Variants in KIAA1614 observed in about 807,000 individuals in gnomAD.
KIAA1614 encodes the protein KIAA1614, also known as uncharacterized protein KIAA1614.
In KIAA1614, 76 loss-of-function variants were observed where a neutral mutation model predicts 88.7. The observed-to-expected ratio is 0.86, with a 90% CI of 0.71 to 1.04. KIAA1614 has a LOEUF of 1.04. Among genes scored for constraint, KIAA1614 ranks in the 50% least tolerant of loss-of-function variants. The pLI is 0.00. For missense variants in KIAA1614, 1,553 were observed against 1,582.5 expected (o/e 0.98, Z 0.32); for synonymous variants, 714 against 675.5 (o/e 1.06, Z -0.88).
At position 180,945,393 on chromosome 1, in the gene KIAA1614, G is replaced by A; in HGVS notation, c.3378G>A (p.Val1126=). The change falls in exon 9 of 9, where the codon GTG becomes GTA. Residue 1126 remains valine, a synonymous_variant. Transcript: ENST00000367588. ...GCACCGTGGGCCGCCTGGTGGAGGT[G>A]TTCCCAGACGGCACCAGCCAGCTGC... ...LARTVGRLVE[V]FPDGTSQLQL... is the part of the protein sequence containing the mutation. The A allele has an allele frequency of 6.2e-7, 1 of 1,602,338 alleles. No homozygotes were observed. The highest frequency in any genetic ancestry group is 8.5e-7 in the Non-Finnish European group (1 of 1,176,230).
At position 180,935,438 on chromosome 1, in the gene KIAA1614, G is replaced by C; in HGVS notation, c.1529G>C (p.Gly510Ala). Residue 510 changes from glycine (G) to alanine (A), a missense_variant, in exon 5 of 9, where the codon GGG becomes GCG. Physicochemically the swap from Gly to Ala is moderately conservative, Grantham distance 60. Coordinates refer to ENST00000367588, the MANE Select transcript of KIAA1614 (RefSeq NM_020950.2). The surrounding 1 kb of genome is among the most constrained non-coding windows in gnomAD (Gnocchi z 6.1). ...GAPRLRDAGQ[G>A]TFHRLVGSLD... ...CCCCGGCTCCGGGACGCGGGGCAGGGGACATTCCACAGGCTTGTGGGCAGC... is the reference window on the plus strand; with the variant it reads ...CCCCGGCTCCGGGACGCGGGGCAGGCGACATTCCACAGGCTTGTGGGCAGC... The C allele has an allele frequency of 6.8e-7, 1 of 1,479,784 alleles. No homozygotes were observed. The highest frequency in any genetic ancestry group is 2.4e-5 in the Admixed American group (1 of 41,788). 91.7% of individuals were successfully genotyped at this position (1,479,784 alleles called of 1,614,324 possible).
At chr1:180,941,006 G>GGGGGGC in intron 6 of KIAA1614, 39 bp from the exon 7 acceptor site, 1 of 908,444 alleles carries the variant, frequency 1.1e-6, no homozygotes, top group Non-Finnish European at 1.5e-6. Flanking sequence ...CACCCTCCCG[G>GGGGGGC]CCCTCCCCCG....
At position 180,941,238 on chromosome 1, in the gene KIAA1614, G is replaced by T; in HGVS notation, c.3112G>T (p.Gly1038Cys). 6.2e-7 allele frequency: 1 copy of T among 1,613,698 alleles called. No homozygotes were observed. Among genetic ancestry groups the T allele is most frequent in the South Asian group, 1.1e-5 (1 of 91,074 alleles). The change falls in exon 7 of 9, where the codon GGC becomes TGC. Residue 1038 changes from glycine to cysteine, a missense_variant. Coordinates refer to ENST00000367588, the MANE Select transcript of KIAA1614 (RefSeq NM_020950.2). ...GGAGCAGTTGCAGCCCGCCCCGCCTGGCCTGACGTCACAGTCCAGGGCCCC... is the reference window on the plus strand; with the variant it reads ...GGAGCAGTTGCAGCCCGCCCCGCCTTGCCTGACGTCACAGTCCAGGGCCCC... ...SVEQLQPAPP[G>C]LTSQSRAPSL...
chr1:180,925,916 T>G (rs529650792), intron 3 of KIAA1614, among the ~76,000 whole-genome samples: 1 of 152,322 alleles, frequency 6.6e-6, no homozygotes, highest in East Asian at 1.9e-4. Context: ...CATATCAGAC[T>G]ATGTGGCCAA....
Position 180,942,291 on chromosome 1 carries a change from G to C in KIAA1614, c.3159+1006G>C, listed in dbSNP as rs1004393358. On this transcript the variant is annotated intron_variant, in intron 7 of 8. Transcript: ENST00000367588. Reference sequence around the variant, plus strand: ...TGGGACGCGCAGGGCAGCTCGCTCAGGCTCTCCCTCACGAAGCGCCCCACG... The same window carrying C: ...TGGGACGCGCAGGGCAGCTCGCTCACGCTCTCCCTCACGAAGCGCCCCACG... Among the ~76,000 whole-genome samples the C allele has an allele frequency of 2.0e-5, 3 of 152,224 alleles. No individual in the cohort carries two copies. The East Asian group carries it at 5.8e-4, about 29-fold the overall frequency.
rs554170361 is a variant in KIAA1614 at position 180,914,680 on chromosome 1, G to A, written c.50+1387G>A. Reference sequence around the variant, plus strand: ...TTCTCCTGCCTCTGCCTCCCAAGTAGCTGGGACTACAGGCACCTGCCACCA... The same window carrying A: ...TTCTCCTGCCTCTGCCTCCCAAGTAACTGGGACTACAGGCACCTGCCACCA... On this transcript the variant is annotated intron_variant, in intron 1 of 8. Coordinates refer to ENST00000367588, the MANE Select transcript of KIAA1614 (RefSeq NM_020950.2). 4.6e-5 allele frequency among the ~76,000 whole-genome samples: 7 copies of A among 152,068 alleles called. No individual in the cohort carries two copies. The South Asian group carries it at 1.5e-3, about 32-fold the overall frequency.
chr1:180,915,595 A>C (rs1301212980), intron 1 of KIAA1614, among the ~76,000 whole-genome samples: 1 of 152,006 alleles, frequency 6.6e-6, no homozygotes, highest in Non-Finnish European at 1.5e-5. Context: ...ACTTATTTGC[A>C]CTCTTCAATG....
chr1:180,938,787 G>A (rs1225835217), intron 6 of KIAA1614, 76 bp downstream of exon 6: 4 of 1,452,882 alleles, frequency 2.8e-6, no homozygotes, highest in South Asian at 1.3e-5. Context: ...GAGACCCCCT[G>A]GAGTGGTGGC....
chr1:180,930,275 T>C (rs777149259), intron 4 of KIAA1614, among the ~76,000 whole-genome samples: 1 of 151,926 alleles, frequency 6.6e-6, no homozygotes, highest in Non-Finnish European at 1.5e-5. Flanking sequence ...AAAAATTAGC[T>C]GGGCGTGGTG....
At chr1:180,917,131 G>A in intron 2 of KIAA1614, 31 bp downstream of exon 2, 1 of 1,571,986 alleles carries the variant, frequency 6.4e-7, no homozygotes, top group Non-Finnish European at 8.7e-7. Flanking sequence ...CCAGGTGGTG[G>A]GGGGAGCAGG....
intron 5 of KIAA1614, among the ~76,000 whole-genome samples, chr1:180,938,317 T>A (rs898256793): frequency 1.3e-5 from 2 of 152,212 alleles, no homozygotes; most frequent in Admixed American, 1.3e-4. Flanking sequence ...CAAGACTCAG[T>A]CCCTGTCCTC....
At chr1:180,925,152 T>C (rs1654040734) in intron 3 of KIAA1614, among the ~76,000 whole-genome samples, 1 of 152,144 alleles carries the variant, frequency 6.6e-6, no homozygotes, top group Non-Finnish European at 1.5e-5. Context: ...CCTGTCCATG[T>C]CCTGCAGACC....
intron 3 of KIAA1614, among the ~76,000 whole-genome samples, chr1:180,921,479 A>G (rs1229368485): frequency 6.6e-6 from 1 of 152,088 alleles, no homozygotes; most frequent in Non-Finnish European, 1.5e-5. Context: ...GGACTTGCCC[A>G]GGTCCTCTAG....
chr1:180,913,059 A>C lies in KIAA1614; in HGVS notation c.-185A>C, dbSNP rs2102250190. The C allele has an allele frequency of 3.0e-5, 10 of 328,876 alleles. No individual in the cohort carries two copies. Among genetic ancestry groups the C allele is most frequent in the Non-Finnish European group, 2.7e-5 (5 of 185,970 alleles). The allele number at this position is 328,876 out of a possible 1,614,324, so 20.4% of individuals were successfully genotyped here. On this transcript the variant is annotated 5_prime_UTR_variant, in exon 1 of 9. Transcript: ENST00000367588. Reference sequence around the variant, plus strand: ...ACCCACCCGGGGCCCGGGGGCTGCCAGCAGAGCCGGGAGCTGGCCCGGCCT... The same window carrying C: ...ACCCACCCGGGGCCCGGGGGCTGCCCGCAGAGCCGGGAGCTGGCCCGGCCT...
intron 3 of KIAA1614, among the ~76,000 whole-genome samples, chr1:180,919,334 C>T (rs1653894374): frequency 6.6e-6 from 1 of 152,170 alleles, no homozygotes. Flanking sequence ...GAATCTCTTC[C>T]CCTACCTCCC....
intron 8 of KIAA1614, 196 bp downstream of exon 8, chr1:180,944,712 C>A: frequency 1.9e-6 from 1 of 514,136 alleles, no homozygotes; most frequent in Non-Finnish European, 3.3e-6. Flanking sequence ...ACCCTCGGTG[C>A]ATTGGGCTCT....
intron 2 of KIAA1614, 129 bp downstream of exon 2, chr1:180,917,229 C>T: frequency 1.5e-6 from 1 of 683,434 alleles, no homozygotes; most frequent in Admixed American, 2.8e-5. Context: ...AGTTGCCTGT[C>T]ATCAAAATCA....
At chr1:180,938,466 CT>C in intron 5 of KIAA1614, 88 bp from the exon 6 acceptor site, 1 of 1,429,248 alleles carries the variant, frequency 7.0e-7, no homozygotes, top group Non-Finnish European at 9.6e-7. Flanking sequence ...TCTTCTCACC[CT>C]CCCCCTGTTG....
At chr1:180,939,268 C>T (rs890702587) in intron 6 of KIAA1614, among the ~76,000 whole-genome samples, 7 of 152,206 alleles carry the variant, frequency 4.6e-5, no homozygotes, top group Non-Finnish European at 1.0e-4. Flanking sequence ...AGCTCTAAGC[C>T]TGAAGAGGCA....
Sources: allele counts gnomAD v4.1 joint callset (sites outside exome capture counted in the v4.1 genomes callset), GRCh38; gene constraint gnomAD v4.1.1; non-coding constraint Gnocchi (gnomAD v3.1); transcripts MANE v1.5; gene names NCBI Gene and HGNC (gene_info 2026-07-23, HGNC 2026-07-21).